MCF2L: variants seen among roughly 807,000 people sequenced by gnomAD.
MCF2L encodes guanine nucleotide exchange factor DBS.
MCF2L carries 97 observed loss-of-function variants against 153.4 expected under a neutral mutation model. The observed-to-expected ratio is 0.63, with a 90% CI of 0.54 to 0.75. The LOEUF (loss-of-function observed/expected upper bound fraction) is 0.75, where lower values mean the gene tolerates loss of function less well. MCF2L is among the 30% of genes least tolerant of loss of function. MCF2L has a pLI of 0.00. For missense variants in MCF2L, 1,347 were observed against 1,495.2 expected (o/e 0.90, Z 1.64); for synonymous variants, 659 against 632.2 (o/e 1.04, Z -0.64).
rs928988985 is a variant in MCF2L, at chr13:112,912,465, C to T, written c.169+10094C>T. Among the ~76,000 whole-genome samples, 27 of 152,154 alleles carry T rather than the reference C, an allele frequency of 1.8e-4. No individual in the cohort carries two copies. In the East Asian group the frequency reaches 4.3e-3, roughly 24 times the overall value. ...TCAAGTAGCTGGGATTACAAGCGCA[C>T]GCCACCACACCCAGCTAATTTTTGT... On this transcript the variant is annotated intron_variant, in intron 2 of 29. Transcript: ENST00000375608.
At chr13:112,921,587 C>G (rs2081353433) in intron 2 of MCF2L, among the ~76,000 whole-genome samples, 1 of 152,188 alleles carries the variant, frequency 6.6e-6, no homozygotes, top group Non-Finnish European at 1.5e-5. Flanking sequence ...AACCTGCGAA[C>G]ACTGCTGCAA....
Position 113,045,478 on chromosome 13 carries a change from C to T in MCF2L, c.369+117C>T, listed in dbSNP as rs542049894. ...TGCTTTGTGCTGAGTGGGACAGAGC[C>T]CAGTCCCGGCGGGTGGAGGCCGGCG... On this transcript the variant is annotated intron_variant, in intron 4 of 29. Transcript: ENST00000535094. This position sits in a 1 kb window ranked among gnomAD's most constrained non-coding sequence, Gnocchi z 4.2. 4 of 933,658 alleles carry T rather than the reference C, an allele frequency of 4.3e-6. No homozygotes were observed. Among genetic ancestry groups the T allele is most frequent in the African/African-American group, 3.2e-5 (2 of 61,594 alleles). 57.8% of individuals were successfully genotyped at this position (933,658 alleles called of 1,614,324 possible). A position where few individuals can be genotyped will look rare whatever the true frequency, so the allele number is the denominator to read the frequency against.
chr13:113,016,635 G>A lies in MCF2L; in HGVS notation c.163+1789G>A, dbSNP rs550959228. 1.4e-3 allele frequency among the ~76,000 whole-genome samples: 215 copies of A among 150,590 alleles called. 1 individual carries two copies. The highest frequency in any genetic ancestry group is 2.7e-3 in the Non-Finnish European group (185 of 67,488). ...TGCCCCCGCGTCATATGCTGCCCCC[G>A]CGTCGTATCCTGCCCACCCCCTGGA... On this transcript the variant is annotated intron_variant, in intron 2 of 29. Coordinates refer to ENST00000535094, the MANE Select transcript of MCF2L (RefSeq NM_001112732.3).
chr13:112,903,859 C>G (rs139878246), intron 2 of MCF2L, among the ~76,000 whole-genome samples: 2 of 152,192 alleles, frequency 1.3e-5, no homozygotes, highest in Non-Finnish European at 2.9e-5. Flanking sequence ...CTACTTCCTA[C>G]AACAGTGAAG....
chr13:113,006,441 G>T (rs1478609850), intron 1 of MCF2L, among the ~76,000 whole-genome samples: 1 of 152,206 alleles, frequency 6.6e-6, no homozygotes. Context: ...CCTCCCCCCG[G>T]GAGCACAGGG....
chr13:112,962,552 T>C (rs3011475), intron 2 of MCF2L, among the ~76,000 whole-genome samples: 100,736 of 152,104 alleles, frequency 0.66, 33,592 homozygotes, highest in Non-Finnish European at 0.71. Context: ...CAGTGCAGCC[T>C]TCACACCTGA....
chr13:112,981,614 C>G (rs1186366641), intron 1 of MCF2L, among the ~76,000 whole-genome samples: 2 of 152,246 alleles, frequency 1.3e-5, no homozygotes, highest in Admixed American at 6.5e-5. Context: ...TAGTGAGAGG[C>G]AGACTCTGGG....
In MCF2L at chr13:113,070,037, G is replaced by A. The variant is rs772742341; in HGVS notation, c.882-22G>A. 1.3e-6 allele frequency: 2 copies of A among 1,584,558 alleles called. No homozygotes were observed. The highest frequency in any genetic ancestry group is 3.4e-5 in the Admixed American group (2 of 58,006). On this transcript the variant is annotated intron_variant, in intron 8 of 29. Transcript: ENST00000535094. The surrounding 1 kb of genome is among the most constrained non-coding windows in gnomAD (Gnocchi z 5.6). ...TGGGGCGCCGTGGGCCACACAGACG[G>A]TCAACTCCTCCTCTTTCCCAGGCTC... is the stretch of plus-strand genomic sequence containing the variant.
At chr13:112,915,422 A>AAAAAAAAAAT (rs1164046170) in intron 2 of MCF2L, among the ~76,000 whole-genome samples, 1 of 150,326 alleles carries the variant, frequency 6.7e-6, no homozygotes, top group Admixed American at 6.6e-5. Flanking sequence ...AAAAAAAAAA[A>AAAAAAAAAAT]AAATCCATCC....
intron 2 of MCF2L, among the ~76,000 whole-genome samples, chr13:112,915,760 C>A (rs935507496): frequency 6.6e-6 from 1 of 152,184 alleles, no homozygotes; most frequent in South Asian, 2.1e-4. Flanking sequence ...GATTGCCCAG[C>A]ATCTCCTGGA....
At chr13:113,030,262 C>T (rs1411264715) in intron 3 of MCF2L, among the ~76,000 whole-genome samples, 1 of 148,402 alleles carries the variant, frequency 6.7e-6, no homozygotes, top group Non-Finnish European at 1.5e-5. Context: ...TGTGGACCCT[C>T]GGGTGTCCAC....
chr13:113,024,938 G>A (rs920399341), intron 3 of MCF2L, 180 bp downstream of exon 3: 3 of 590,628 alleles, frequency 5.1e-6, no homozygotes, highest in South Asian at 2.0e-5. Context: ...CCATCATGCG[G>A]TCCCCGTGAC....
intron 2 of MCF2L, among the ~76,000 whole-genome samples, chr13:112,938,148 G>T (rs2081539617): frequency 2.8e-5 from 4 of 144,908 alleles, no homozygotes; most frequent in African/African-American, 1.0e-4. Context: ...TGAGGGGTTG[G>T]TTCAGGTGAG....
At chr13:112,944,435 C>T (rs1403169291) in intron 2 of MCF2L, among the ~76,000 whole-genome samples, 1 of 152,110 alleles carries the variant, frequency 6.6e-6, no homozygotes, top group African/African-American at 2.4e-5. Context: ...ACACCTGGGT[C>T]TCTCTGTGGA....
chr13:113,007,763 G>T (rs1044721303), intron 1 of MCF2L, among the ~76,000 whole-genome samples: 5 of 152,168 alleles, frequency 3.3e-5, no homozygotes, highest in Non-Finnish European at 5.9e-5. Context: ...GCTCTGTGTC[G>T]TAAGGATCAG....
intron 3 of MCF2L, among the ~76,000 whole-genome samples, chr13:113,041,299 G>T (rs947835312): frequency 2.0e-5 from 3 of 152,204 alleles, no homozygotes; most frequent in Non-Finnish European, 2.9e-5. Flanking sequence ...GCATAGATCC[G>T]AGCTCCGTGA....
chr13:112,900,509 G>A (rs1266955444), intron 1 of MCF2L, among the ~76,000 whole-genome samples: 1 of 152,264 alleles, frequency 6.6e-6, no homozygotes, highest in African/African-American at 2.4e-5. Context: ...GCAGCAAAGG[G>A]ATGAGTTGAA....
chr13:113,007,641 A>G (rs1397637147), intron 1 of MCF2L, among the ~76,000 whole-genome samples: 2 of 152,264 alleles, frequency 1.3e-5, no homozygotes, highest in Non-Finnish European at 2.9e-5. Context: ...CTGTACAGAC[A>G]GGGCTGAGGA....
chr13:113,060,652 A>G lies in MCF2L; in HGVS notation c.429A>G (p.Gln143=), dbSNP rs2031242153. 1 of 1,613,658 alleles carries G rather than the reference A, an allele frequency of 6.2e-7. No individual in the cohort carries two copies. Among genetic ancestry groups the G allele is most frequent in the African/African-American group, 1.3e-5 (1 of 75,024 alleles). The change falls in exon 5 of 30, where the codon CAA becomes CAG. Residue 143 remains glutamine (Q), a synonymous_variant. Transcript: ENST00000535094. Reference sequence around the variant, plus strand: ...TGCTTCGCCCGACGGGTTTTTTCCAAAGGACTCTCTCCGACATCGCTTTCA... The same window carrying G: ...TGCTTCGCCCGACGGGTTTTTTCCAGAGGACTCTCTCCGACATCGCTTTCA... ...VLVLRPTGFF[Q]RTLSDIAFKF... is the part of the protein sequence containing the mutation.
Sources: allele counts gnomAD v4.1 joint callset (sites outside exome capture counted in the v4.1 genomes callset), GRCh38; gene constraint gnomAD v4.1.1; non-coding constraint Gnocchi (gnomAD v3.1); transcripts MANE v1.5; gene names NCBI Gene and HGNC (gene_info 2026-07-23, HGNC 2026-07-21).